CREBBP: variants seen among roughly 807,000 people sequenced by gnomAD.
The protein encoded by CREBBP is CREB binding lysine acetyltransferase, also known as CREB-binding protein.
In CREBBP, 19 loss-of-function variants were observed where a neutral mutation model predicts 265.0. That is an observed-to-expected ratio of 0.07 (90% confidence interval 0.05 to 0.11). The LOEUF (loss-of-function observed/expected upper bound fraction) is 0.11. CREBBP is among the 10% of genes least tolerant of loss of function. The pLI is 1.00. For missense variants in CREBBP, 2,525 were observed against 3,219.0 expected, an observed-to-expected ratio of 0.78 and a Z score of 5.22; for synonymous variants, 1,457 against 1,223.7, an observed-to-expected ratio of 1.19 and a Z score of -3.98.
intron 17 of CREBBP, 85 bp from the exon 18 acceptor site, chr16:3,758,133 A>T (rs2052630395): frequency 6.9e-7 from 1 of 1,444,866 alleles, no homozygotes; most frequent in Admixed American, 1.9e-5. Context: ...TTTTAAAATA[A>T]TAGAAACAGA....
In CREBBP at chr16:3,817,850, T is replaced by C. The variant is rs1013828961; in HGVS notation, c.799-7071A>G. 5.3e-5 allele frequency among the ~76,000 whole-genome samples: 8 copies of C among 152,024 alleles called. No homozygotes were observed. The South Asian group carries it at 1.7e-3, about 32-fold the overall frequency. Reference sequence around the variant, plus strand: ...CATTTGGGTGGGCACCAGTTCACAATTTTGTGTGATGTTCATTTCTGAGGG... The same window carrying C: ...CATTTGGGTGGGCACCAGTTCACAACTTTGTGTGATGTTCATTTCTGAGGG... On this transcript the variant is annotated intron_variant, in intron 2 of 30. Coordinates refer to ENST00000262367, the MANE Select transcript of CREBBP (RefSeq NM_004380.3).
intron 1 of CREBBP, among the ~76,000 whole-genome samples, chr16:3,857,934 A>G (rs891703255): frequency 6.6e-6 from 1 of 152,218 alleles, no homozygotes; most frequent in Non-Finnish European, 1.5e-5. Flanking sequence ...AGGAATGAGG[A>G]AAATAGTAGG....
intron 5 of CREBBP, among the ~76,000 whole-genome samples, chr16:3,788,720 G>C (rs1247969182): frequency 6.6e-6 from 1 of 152,248 alleles, no homozygotes; most frequent in Non-Finnish European, 1.5e-5. Context: ...GGGAGGTCAA[G>C]GTGGGAAGAT....
chr16:3,829,003 C>T (rs1054383292), intron 2 of CREBBP, among the ~76,000 whole-genome samples: 1 of 151,504 alleles, frequency 6.6e-6, no homozygotes, highest in Non-Finnish European at 1.5e-5. Flanking sequence ...TTGCTCATAC[C>T]TGGATCACAC....
In CREBBP at chr16:3,778,025, G is replaced by A. The variant is rs779099706; in HGVS notation, c.2099C>T (p.Pro700Leu). The A allele has an allele frequency of 6.2e-7, 1 of 1,614,256 alleles. No homozygotes were observed. ...AQPPVIPQAQ[P>L]VRPPNGPLSL... is the part of the protein sequence containing the mutation. The stretch of plus-strand genomic sequence containing the variant: ...AAAATCCTTACTTGGAGGTCTCACA[G>A]GTTGTGCCTGTGGAATCACAGGGGG... The change falls in exon 10 of 31, where the codon CCT becomes CTT. Residue 700 changes from proline (P) to leucine (L), a missense_variant. Coordinates refer to ENST00000262367, the MANE Select transcript of CREBBP (RefSeq NM_004380.3).
In CREBBP at chr16:3,727,519, A is replaced by AAG. The variant is rs998832657; in HGVS notation, c.*197_*198dup. The stretch of plus-strand genomic sequence containing the variant: ...CCACCCCCCCGCCAAAAAAAAACCA[A>AAG]AGAGAGAGACCAGATATTTAAATCA... On this transcript the variant is annotated 3_prime_UTR_variant, in exon 31 of 31. Coordinates refer to ENST00000262367, the MANE Select transcript of CREBBP (RefSeq NM_004380.3). The AAG allele has an allele frequency of 4.9e-6, 1 of 205,070 alleles. No homozygotes were observed. Among genetic ancestry groups the AAG allele is most frequent in the African/African-American group, 2.6e-5 (1 of 37,764 alleles). 12.7% of individuals were successfully genotyped at this position (205,070 alleles called of 1,614,324 possible). A position where few individuals can be genotyped will look rare whatever the true frequency, so the allele number is the denominator to read the frequency against.
chr16:3,731,958 G>GT lies in CREBBP; in HGVS notation c.4729-22dup. The GT allele has an allele frequency of 1.2e-6, 2 of 1,614,184 alleles. No homozygotes were observed. The highest frequency in any genetic ancestry group is 1.7e-6 in the Non-Finnish European group (2 of 1,180,042). ...CTGCCCTGCAACAACACGCAAGGCTGTGAGACCAGGCAAGTGCCCCTCCAC... is the reference window on the plus strand; with the variant it reads ...CTGCCCTGCAACAACACGCAAGGCTGTTGAGACCAGGCAAGTGCCCCTCCAC... On this transcript the variant is annotated intron_variant, in intron 28 of 30. Coordinates refer to ENST00000262367, the MANE Select transcript of CREBBP (RefSeq NM_004380.3). This position sits in a 1 kb window ranked among gnomAD's most constrained non-coding sequence, Gnocchi z 7.7.
At chr16:3,788,978 C>T (rs1381816073) in intron 5 of CREBBP, among the ~76,000 whole-genome samples, 1 of 152,182 alleles carries the variant, frequency 6.6e-6, no homozygotes, top group Non-Finnish European at 1.5e-5. Context: ...CCAAACAAAA[C>T]TCAACACAGG....
At position 3,770,604 on chromosome 16, in the gene CREBBP, G is replaced by A. The variant is rs147083140; in HGVS notation, c.2846C>T (p.Pro949Leu). The change falls in exon 14 of 31, where the codon CCG becomes CTG. Residue 949 changes from proline (P) to leucine (L), a missense_variant. Coordinates refer to ENST00000262367, the MANE Select transcript of CREBBP (RefSeq NM_004380.3). The part of the protein sequence containing the change: ...VATPQSSQQQ[P>L]TPVHAQPPGT... Reference sequence around the variant, plus strand: ...AGGAGGCTGGGCGTGCACAGGCGTCGGCTGTTGCTGCGATGACTGAGGGGT... The same window carrying A: ...AGGAGGCTGGGCGTGCACAGGCGTCAGCTGTTGCTGCGATGACTGAGGGGT... 5.0e-5 allele frequency: 81 copies of A among 1,613,602 alleles called. No homozygotes were observed. The African/African-American group carries it at 6.5e-4, about 13-fold the overall frequency.
At chr16:3,876,595 G>C (rs1363808165) in intron 1 of CREBBP, among the ~76,000 whole-genome samples, 1 of 151,968 alleles carries the variant, frequency 6.6e-6, no homozygotes, top group Non-Finnish European at 1.5e-5. Context: ...GTAATATAAA[G>C]TCCCCACTTA....
In CREBBP at chr16:3,770,929, T is replaced by A; in HGVS notation, c.2521A>T (p.Ser841Cys). Residue 841 changes from serine to cysteine, a missense_variant, in exon 14 of 31, where the codon AGC (serine) becomes TGC (cysteine). Physicochemically the swap from Ser to Cys is moderately radical, Grantham distance 112 (BLOSUM62 -1). Around this residue, in one of 19 missense-constraint regions of CREBBP, gnomAD observed 548 missense variants for 533.0 expected, o/e 1.03. Transcript: ENST00000262367. ...GTCACTGGAGGGCAAGGTAGCTGGC[T>A]GGCCTGAGGCCCCAGCATGTTGAGA... ...NPLNMLGPQASQLPCPPVTQS... is the reference protein window; with the variant it reads ...NPLNMLGPQACQLPCPPVTQS... The A allele has an allele frequency of 6.2e-7, 1 of 1,613,786 alleles. No homozygotes were observed. The highest frequency in any genetic ancestry group is 8.5e-7 in the Non-Finnish European group (1 of 1,180,030).
At position 3,727,781 on chromosome 16, in the gene CREBBP, G is replaced by T; in HGVS notation, c.7266C>A (p.Ser2422Arg). 6.2e-7 allele frequency: 1 copy of T among 1,614,158 alleles called. No homozygotes were observed. Among genetic ancestry groups the T allele is most frequent in the Non-Finnish European group, 8.5e-7 (1 of 1,180,040 alleles). ...LNTPSRSALS[S>R]ELSLVGDTTG... ...TGGTGTCCCCGACCAGGGACAGTTC[G>T]CTGGACAGCGCACTCCTGCTGGGGG... Residue 2422 changes from serine (S) to arginine (R), a missense_variant, in exon 31 of 31, where the codon AGC (serine) becomes AGA (arginine). By Grantham distance (110) the Ser-to-Arg change is moderately radical (BLOSUM62 -1). Coordinates refer to ENST00000262367, the MANE Select transcript of CREBBP (RefSeq NM_004380.3).
chr16:3,868,867 A>G (rs2055234627), intron 1 of CREBBP, among the ~76,000 whole-genome samples: 1 of 152,208 alleles, frequency 6.6e-6, no homozygotes, highest in African/African-American at 2.4e-5. Context: ...CCCCACACGT[A>G]AAATGTGCTT....
chr16:3,878,805 G>A (rs1390742656), intron 1 of CREBBP, among the ~76,000 whole-genome samples: 2 of 152,180 alleles, frequency 1.3e-5, no homozygotes, highest in Non-Finnish European at 2.9e-5. Flanking sequence ...TTGCGGCAAA[G>A]GAGAGAGCTC....
rs772938676 is a variant in CREBBP, at chr16:3,772,320, GAAACAC to G, written c.2464-1340_2464-1335del. Among the ~76,000 whole-genome samples, 202 of 116,134 alleles carry G rather than the reference GAAACAC, an allele frequency of 1.7e-3. 1 individual carries two copies. Among genetic ancestry groups the G allele is most frequent in the Non-Finnish European group, 1.9e-3 (107 of 56,868 alleles). The allele number at this position is 116,134 out of a possible 152,430, so 76.2% of individuals were successfully genotyped here. The stretch of plus-strand genomic sequence containing the variant: ...AAAATTTAAAAAAAAAATTCTCTCT[GAAACAC>G]AAACACACACACACACACACACACA... On this transcript the variant is annotated intron_variant, in intron 13 of 30. Transcript: ENST00000262367.
intron 2 of CREBBP, among the ~76,000 whole-genome samples, chr16:3,849,162 T>C (rs900197790): frequency 3.3e-5 from 5 of 152,200 alleles, no homozygotes; most frequent in African/African-American, 1.2e-4. Context: ...GAGAAGCCTC[T>C]GGCCGCAGAG....
chr16:3,856,272 C>T (rs1175603715), intron 1 of CREBBP, among the ~76,000 whole-genome samples: 1 of 152,118 alleles, frequency 6.6e-6, no homozygotes, highest in Non-Finnish European at 1.5e-5. Context: ...CACAGGTGTG[C>T]CCCACCACAA....
chr16:3,817,520 A>AGGG (rs2054062248), intron 2 of CREBBP, among the ~76,000 whole-genome samples: 1 of 152,208 alleles, frequency 6.6e-6, no homozygotes, highest in Non-Finnish European at 1.5e-5. Flanking sequence ...CTAGTCTCGT[A>AGGG]AAAAAGTTAG....
At chr16:3,818,988 T>G (rs1219520145) in intron 2 of CREBBP, among the ~76,000 whole-genome samples, 1 of 152,106 alleles carries the variant, frequency 6.6e-6, no homozygotes, top group Non-Finnish European at 1.5e-5. Context: ...GCTCATCACC[T>G]CCCCGCTTAA....
Sources: allele counts gnomAD v4.1 joint callset (sites outside exome capture counted in the v4.1 genomes callset), GRCh38; gene constraint gnomAD v4.1.1; regional missense constraint gnomAD v4.1.1; non-coding constraint Gnocchi (gnomAD v3.1); transcripts MANE v1.5; gene names NCBI Gene and HGNC (gene_info 2026-07-23, HGNC 2026-07-21).